NSD3: variants seen among roughly 807,000 people sequenced by gnomAD.
NSD3 encodes the protein nuclear receptor binding SET domain protein 3, also known as histone-lysine N-methyltransferase NSD3.
Under a neutral mutation model 160.8 loss-of-function variants are expected in NSD3, and 24 were observed. The ratio of observed to expected loss-of-function variants is 0.15; its 90% confidence interval spans 0.11 to 0.21. NSD3 has a LOEUF of 0.21. Among genes scored for constraint, NSD3 ranks in the 10% least tolerant of loss-of-function variants. NSD3 has a pLI of 1.00. For synonymous variants in NSD3, 520 were observed against 600.0 expected (o/e 0.87, Z 1.95); for missense variants, 1,157 against 1,735.9 (o/e 0.67, Z 5.93).
At chr8:38,369,770 C>G (rs1811195320) in intron 1 of NSD3, among the ~76,000 whole-genome samples, 1 of 152,000 alleles carries the variant, frequency 6.6e-6, no homozygotes, top group Admixed American at 6.6e-5. Flanking sequence ...ACTTCACTGC[C>G]CTCCCAGTTT....
Position 38,321,715 on chromosome 8 carries a change from C to CA in NSD3, c.1709-544dup, listed in dbSNP as rs1412098227. ...ACAAAAGCAGGAAAAGCAGGGAAGG[C>CA]AAAAAATGTGACCAAAACCTAATCA... On this transcript the variant is annotated intron_variant, in intron 7 of 23. Transcript: ENST00000317025. The surrounding 1 kb of genome is among the most constrained non-coding windows in gnomAD (Gnocchi z 4.7). Among the ~76,000 whole-genome samples, 2 of 152,016 alleles carry CA rather than the reference C, an allele frequency of 1.3e-5. No homozygotes were observed. The highest frequency in any genetic ancestry group is 2.9e-5 in the Non-Finnish European group (2 of 67,982).
intron 1 of NSD3, among the ~76,000 whole-genome samples, chr8:38,360,283 C>A (rs1455759078): frequency 6.6e-6 from 1 of 152,136 alleles, no homozygotes; most frequent in Admixed American, 6.6e-5. Flanking sequence ...CTGTGCCAGT[C>A]CAAATAATTT....
At chr8:38,365,978 C>G (rs1387161484) in intron 1 of NSD3, among the ~76,000 whole-genome samples, 1 of 151,556 alleles carries the variant, frequency 6.6e-6, no homozygotes, top group Non-Finnish European at 1.5e-5. Flanking sequence ...CATAACTGAT[C>G]CAAAATATAC....
chr8:38,369,826 G>A (rs934901732), intron 1 of NSD3, among the ~76,000 whole-genome samples: 124 of 152,078 alleles, frequency 8.2e-4, no homozygotes, highest in Non-Finnish European at 1.6e-4. Flanking sequence ...ACAGAGTCTC[G>A]CTCTGTTGCC....
intron 12 of NSD3, among the ~76,000 whole-genome samples, chr8:38,309,794 C>T (rs922496929): frequency 2.0e-4 from 31 of 152,258 alleles, no homozygotes; most frequent in Middle Eastern, 3.4e-3. Context: ...TGCTTTCTTT[C>T]CAGAAATCAC....
chr8:38,318,985 C>G lies in NSD3; in HGVS notation c.1810-45G>C. 4 of 1,531,324 alleles carry G rather than the reference C, an allele frequency of 2.6e-6. No homozygotes were observed. Among genetic ancestry groups the G allele is most frequent in the Non-Finnish European group, 3.6e-6 (4 of 1,122,706 alleles). 94.9% of individuals were successfully genotyped at this position (1,531,324 alleles called of 1,614,324 possible). A position where few individuals can be genotyped will look rare whatever the true frequency, so the allele number is the denominator to read the frequency against. ...CAGCATTAACAAAGAATTTTTTTCC[C>G]TTTTAATTATTAACAGAGGGAAAAG... is the stretch of plus-strand genomic sequence containing the variant. On this transcript the variant is annotated intron_variant, in intron 8 of 23. Coordinates refer to ENST00000317025, the MANE Select transcript of NSD3 (RefSeq NM_023034.2). The surrounding 1 kb of genome is among the most constrained non-coding windows in gnomAD (Gnocchi z 5.3).
chr8:38,350,775 T>C (rs1810671688), intron 1 of NSD3, among the ~76,000 whole-genome samples: 1 of 152,130 alleles, frequency 6.6e-6, no homozygotes, highest in Non-Finnish European at 1.5e-5. Flanking sequence ...TTTCAATTAT[T>C]GCACCTCCTC....
At chr8:38,340,462 T>C (rs1301365286) in intron 2 of NSD3, among the ~76,000 whole-genome samples, 2 of 152,252 alleles carry the variant, frequency 1.3e-5, no homozygotes, top group East Asian at 1.9e-4. Context: ...TTTAGCCTCC[T>C]GAGAAACTGG....
At chr8:38,304,963 G>GA (rs1189135527) in intron 13 of NSD3, among the ~76,000 whole-genome samples, 2 of 152,092 alleles carry the variant, frequency 1.3e-5, no homozygotes, top group Non-Finnish European at 2.9e-5. Context: ...ATCATCCAAA[G>GA]AAAAAATTAT....
intron 12 of NSD3, among the ~76,000 whole-genome samples, chr8:38,307,139 T>TA (rs1319409051): frequency 3.5e-5 from 5 of 144,632 alleles, no homozygotes; most frequent in Admixed American, 2.1e-4. Context: ...TAAAATAAAA[T>TA]AAATAAATAA....
Position 38,275,398 on chromosome 8 carries a change from A to C in NSD3, c.*243T>G. On this transcript the variant is annotated 3_prime_UTR_variant, in exon 24 of 24. Transcript: ENST00000317025. ...TTTCAAGCTGCAATGGCACTGAAGCACAATAAAAGGCAAGAAAAGACCAAG... is the reference window on the plus strand; with the variant it reads ...TTTCAAGCTGCAATGGCACTGAAGCCCAATAAAAGGCAAGAAAAGACCAAG... 1 of 452,998 alleles carries C rather than the reference A, an allele frequency of 2.2e-6. No individual in the cohort carries two copies. The highest frequency in any genetic ancestry group is 3.9e-5 in the Admixed American group (1 of 25,846). The allele number at this position is 452,998 out of a possible 1,614,324, so 28.1% of individuals were successfully genotyped here. A position where few individuals can be genotyped will look rare whatever the true frequency, so the allele number is the denominator to read the frequency against.
In NSD3 at chr8:38,281,771, G is replaced by A. The variant is rs113021049; in HGVS notation, c.3502-188C>T. On this transcript the variant is annotated intron_variant, in intron 19 of 23. Transcript: ENST00000317025. ...TTTTCTGGTATAAGTGCCTCAGAAG[G>A]TGACAATCTGCTTGCCTTTTCTTGC... Among the ~76,000 whole-genome samples, 745 of 152,258 alleles carry A rather than the reference G, an allele frequency of 4.9e-3. 11 individuals are homozygous for A. Among genetic ancestry groups the A allele is most frequent in the African/African-American group, 0.017 (700 of 41,550 alleles).
At chr8:38,368,387 GAGA>G (rs2150393922) in intron 1 of NSD3, among the ~76,000 whole-genome samples, 1 of 152,346 alleles carries the variant, frequency 6.6e-6, no homozygotes, top group African/African-American at 2.4e-5. Flanking sequence ...AAGATGTTTA[GAGA>G]AGGATGATGA....
Position 38,313,947 on chromosome 8 carries a change from A to T in NSD3, c.2242+700T>A, listed in dbSNP as rs141796860. ...GAGTCAAAGGTAAGATCAGCATATC[A>T]TGTACACTTGCTATCTGATTGGCTT... is the stretch of plus-strand genomic sequence containing the variant. On this transcript the variant is annotated intron_variant, in intron 12 of 23. Coordinates refer to ENST00000317025, the MANE Select transcript of NSD3 (RefSeq NM_023034.2). 2.1e-3 allele frequency among the ~76,000 whole-genome samples: 323 copies of T among 152,312 alleles called. 4 individuals are homozygous for T. Among genetic ancestry groups the T allele is most frequent in the African/African-American group, 7.2e-3 (299 of 41,558 alleles).
chr8:38,361,395 G>T (rs1217934470), intron 1 of NSD3, among the ~76,000 whole-genome samples: 5 of 152,228 alleles, frequency 3.3e-5, no homozygotes, highest in South Asian at 2.1e-4. Context: ...CTCCCAAAGT[G>T]CTAGGCTTAT....
At position 38,338,581 on chromosome 8, in the gene NSD3, T is replaced by G; in HGVS notation, c.702A>C (p.Val234=). ...CTGGTTCTTCCCTTGGTTTTTCTGA[T>G]ACAGTGTCAACCCTCTCATTTGGTC... ...QNRPNERVDT[V]SEKPREEPVL... Residue 234 remains valine (V), a synonymous_variant, in exon 3 of 24, where the codon GTA becomes GTC. Coordinates refer to ENST00000317025, the MANE Select transcript of NSD3 (RefSeq NM_023034.2). The G allele has an allele frequency of 6.2e-7, 1 of 1,613,978 alleles. No homozygotes were observed. Among genetic ancestry groups the G allele is most frequent in the Non-Finnish European group, 8.5e-7 (1 of 1,179,934 alleles).
intron 12 of NSD3, among the ~76,000 whole-genome samples, chr8:38,314,138 G>T (rs1232022364): frequency 6.6e-6 from 1 of 152,152 alleles, no homozygotes; most frequent in Non-Finnish European, 1.5e-5. Context: ...ACAGAGAGAA[G>T]AAATATAAAC....
chr8:38,357,497 T>C (rs1284553220), intron 1 of NSD3, among the ~76,000 whole-genome samples: 1 of 152,208 alleles, frequency 6.6e-6, no homozygotes, highest in Non-Finnish European at 1.5e-5. Flanking sequence ...TATTATATCC[T>C]ATCCATAATA....
intron 7 of NSD3, among the ~76,000 whole-genome samples, chr8:38,323,957 G>A (rs1405248247): frequency 6.6e-6 from 1 of 152,082 alleles, no homozygotes; most frequent in African/African-American, 2.4e-5. Flanking sequence ...TTAGGAAACT[G>A]CTGATTTCAA....
Sources: gnomAD v4.1 joint callset for allele counts (sites outside exome capture counted in the v4.1 genomes callset) on GRCh38, gnomAD v4.1.1 for gene constraint, Gnocchi (gnomAD v3.1) non-coding constraint, MANE v1.5 for transcripts, NCBI Gene and HGNC (gene_info 2026-07-23, HGNC 2026-07-21) for gene names.